RSPH10B: variants seen among roughly 807,000 people sequenced by gnomAD.
RSPH10B encodes radial spoke head 10 homolog B (Chlamydomonas).
A neutral mutation model predicts 52.5 loss-of-function variants in RSPH10B; 7 were observed. The ratio of observed to expected loss-of-function variants is 0.13; its 90% CI spans 0.08 to 0.25. RSPH10B has a LOEUF of 0.25. Ranked by LOEUF, RSPH10B falls within the 10% of genes least tolerant of loss-of-function variation. The pLI is 1.00. For synonymous variants in RSPH10B, 28 were observed against 193.2 expected (o/e 0.14, Z 7.09); for missense variants, 89 against 542.5 (o/e 0.16, Z 8.30).
chr7:5,956,555 T>G (rs1452269323), intron 6 of RSPH10B, among the ~76,000 whole-genome samples: 9 of 90,692 alleles, frequency 9.9e-5, no homozygotes, highest in Non-Finnish European at 7.1e-5. Context: ...TTTTAAATGT[T>G]GGGGTTTATT....
intron 18 of RSPH10B, among the ~76,000 whole-genome samples, chr7:5,927,070 A>ATATATG (rs1554284566): frequency 9.0e-6 from 1 of 110,692 alleles, no homozygotes; most frequent in South Asian, 3.0e-4. Context: ...GTGTGTGTAT[A>ATATATG]TGTGTGTGTG....
chr7:5,928,793 T>C (rs549191222), intron 17 of RSPH10B, among the ~76,000 whole-genome samples: 1 of 150,484 alleles, frequency 6.6e-6, no homozygotes, highest in African/African-American at 2.5e-5. Context: ...ACTCGGCTAA[T>C]TTTTGTATTT....
chr7:5,927,073 TGTGTG>T lies in RSPH10B; in HGVS notation c.2433-530_2433-526del, dbSNP rs1562553337. On this transcript the variant is annotated intron_variant, in intron 18 of 18. Coordinates refer to ENST00000337579, the Ensembl canonical transcript of RSPH10B. ...TTATGTGTGTGTGTGTGTGTATATGTGTGTGTGTGTGTGTGTGTGTGTGTATTTTT... is the reference window on the plus strand; with the variant it reads ...TTATGTGTGTGTGTGTGTGTATATGTTGTGTGTGTGTGTGTGTGTATTTTT... 6.2e-3 allele frequency among the ~76,000 whole-genome samples: 653 copies of T among 106,024 alleles called. 11 individuals are homozygous for T. Among genetic ancestry groups the T allele is most frequent in the Non-Finnish European group, 0.011 (544 of 49,200 alleles). The allele number at this position is 106,024 out of a possible 152,430, so 69.6% of individuals were successfully genotyped here.
At chr7:5,947,860 TTGTGTGTG>T (rs201265529) in intron 10 of RSPH10B, among the ~76,000 whole-genome samples, 20 of 90,838 alleles carry the variant, frequency 2.2e-4, no homozygotes, top group East Asian at 9.0e-4. Context: ...CCCCTGCCTT[TTGTGTGTG>T]TGTGTGTGTG....
At chr7:5,926,784 C>T (rs1194149147) in intron 18 of RSPH10B, among the ~76,000 whole-genome samples, 1 of 142,940 alleles carries the variant, frequency 7.0e-6, no homozygotes, top group African/African-American at 2.6e-5. Flanking sequence ...GACAGAGTTT[C>T]GCTCTTGTTG....
Position 5,927,033 on chromosome 7 carries a change from G to GTATATT in RSPH10B, c.2433-486_2433-485insAATATA, listed in dbSNP as rs1423274213. 3.5e-4 allele frequency among the ~76,000 whole-genome samples: 16 copies of GTATATT among 45,578 alleles called. No individual in the cohort carries two copies. In the East Asian group the frequency reaches 8.3e-3, roughly 24 times the overall value. 29.9% of individuals were successfully genotyped at this position (45,578 alleles called of 152,430 possible). A position where few individuals can be genotyped will look rare whatever the true frequency, so the allele number is the denominator to read the frequency against. On this transcript the variant is annotated intron_variant, in intron 18 of 18. Transcript: ENST00000337579. ...GCCTCCCAAAGTTACGTGTGTGTGTGTGTGTGTGTGTGTATTATGTGTGTG... is the reference window on the plus strand; with the variant it reads ...GCCTCCCAAAGTTACGTGTGTGTGTGTATATTTGTGTGTGTGTGTATTATGTGTGTG...
chr7:5,937,617 A>G, intron 15 of RSPH10B, 141 bp downstream of exon 17: 1 of 535,152 alleles, frequency 1.9e-6, no homozygotes, highest in Non-Finnish European at 3.6e-6. Flanking sequence ...CACGTTAGCC[A>G]GGATGGTCTC....
In RSPH10B at chr7:5,929,158, T is replaced by A. The variant is rs565818636; in HGVS notation, c.2234-764A>T. On this transcript the variant is annotated intron_variant, in intron 17 of 18. Coordinates refer to ENST00000337579, the Ensembl canonical transcript of RSPH10B. The stretch of plus-strand genomic sequence containing the variant: ...TCCCTAATAGCTGAGAATACAGGCA[T>A]GTACCACCACACGAGGCTAATTGTT... Among the ~76,000 whole-genome samples the A allele has an allele frequency of 2.3e-4, 34 of 145,178 alleles. 2 individuals carry two copies. Among genetic ancestry groups the A allele is most frequent in the Non-Finnish European group, 4.6e-4 (31 of 66,996 alleles).
intron 6 of RSPH10B, among the ~76,000 whole-genome samples, chr7:5,957,706 G>T (rs1157197752): frequency 3.6e-5 from 4 of 109,770 alleles, no homozygotes; most frequent in Non-Finnish European, 7.2e-5. Context: ...TGAGGCAGGA[G>T]AATTGCTTGA....
At chr7:5,938,450 C>T (rs1347141546) in intron 14 of RSPH10B, among the ~76,000 whole-genome samples, 5 of 104,248 alleles carry the variant, frequency 4.8e-5, no homozygotes, top group Non-Finnish European at 6.7e-5. Flanking sequence ...TGGTGGCGGG[C>T]GCCTGTAGTC....
At chr7:5,927,070 A>ATATG (rs1554284566) in intron 18 of RSPH10B, among the ~76,000 whole-genome samples, 9 of 110,728 alleles carry the variant, frequency 8.1e-5, no homozygotes, top group Admixed American at 2.0e-4. Context: ...GTGTGTGTAT[A>ATATG]TGTGTGTGTG....
intron 13 of RSPH10B, among the ~76,000 whole-genome samples, chr7:5,941,301 C>CA (rs946087488): frequency 7.1e-6 from 1 of 140,578 alleles, no homozygotes; most frequent in Admixed American, 7.4e-5. Flanking sequence ...GAACCTTGCT[C>CA]AAAAAAACAA....
intron 13 of RSPH10B, among the ~76,000 whole-genome samples, chr7:5,942,181 A>C (rs1241686546): frequency 1.4e-5 from 2 of 145,740 alleles, no homozygotes; most frequent in Non-Finnish European, 3.0e-5. Flanking sequence ...AAAAGATTTC[A>C]GTTGACTTTA....
exon 19 of RSPH10B, chr7:5,926,265 G>GT (rs1779390352): frequency 1.5e-6 from 1 of 668,984 alleles, no homozygotes; most frequent in Non-Finnish European, 2.5e-6. Context: ...GGGCCAAGGG[G>GT]TATGTTAAAA....
chr7:5,938,415 A>AC (rs1255843845), intron 14 of RSPH10B, among the ~76,000 whole-genome samples: 1 of 61,870 alleles, frequency 1.6e-5, no homozygotes, highest in Non-Finnish European at 3.7e-5. Context: ...AAAAAAATAC[A>AC]AAAAAAAAAA....
chr7:5,931,410 C>G (rs992891315), intron 17 of RSPH10B, among the ~76,000 whole-genome samples: 12 of 151,364 alleles, frequency 7.9e-5, no homozygotes, highest in African/African-American at 2.7e-4. Context: ...AGTGGGCGGC[C>G]GGCCATAGAG....
At chr7:5,964,334 T>TA (rs1781031196) in intron 3 of RSPH10B, among the ~76,000 whole-genome samples, 168 bp downstream of exon 5, 1 of 147,612 alleles carries the variant, frequency 6.8e-6, no homozygotes, top group South Asian at 2.1e-4. Context: ...CAATAACAAT[T>TA]ACTGGCGGGT....
At chr7:5,966,207 A>G (rs1294975620) in intron 1 of RSPH10B, among the ~76,000 whole-genome samples, 2 of 85,002 alleles carry the variant, frequency 2.4e-5, no homozygotes, top group Non-Finnish European at 4.9e-5. Context: ...CTGGGATTAC[A>G]GGCTTGAACC....
intron 17 of RSPH10B, among the ~76,000 whole-genome samples, chr7:5,931,117 A>G (rs1779740351): frequency 7.4e-6 from 1 of 134,438 alleles, no homozygotes; most frequent in Admixed American, 7.7e-5. Context: ...TATTTTTAGT[A>G]GAGATGGGGT....
Sources: allele counts gnomAD v4.1 joint callset (sites outside exome capture counted in the v4.1 genomes callset), GRCh38; gene constraint gnomAD v4.1.1; transcripts MANE v1.5; gene names NCBI Gene and HGNC (gene_info 2026-07-23, HGNC 2026-07-21).